Variants in LRP1B observed in about 807,000 individuals in gnomAD.
LRP1B encodes the protein LDL receptor related protein 1B.
Under a neutral mutation model 556.6 loss-of-function variants are expected in LRP1B, and 217 were observed. That is an observed-to-expected ratio of 0.39 (90% confidence interval 0.35 to 0.44). The LOEUF is 0.44. LRP1B is among the 20% of genes least tolerant of loss of function. LRP1B has a pLI of 1.00. For missense variants in LRP1B, 5,053 were observed against 5,620.8 expected (o/e 0.90, Z 3.23); for synonymous variants, 2,047 against 1,865.8 (o/e 1.10, Z -2.50).
chr2:140,481,706 G>A (rs1439135441), intron 59 of LRP1B, among the ~76,000 whole-genome samples: 1 of 151,168 alleles, frequency 6.6e-6, no homozygotes, highest in African/African-American at 2.4e-5. Context: ...CCCATATTCT[G>A]GGGACAACTC....
intron 7 of LRP1B, among the ~76,000 whole-genome samples, chr2:141,113,175 T>C (rs1700797554): frequency 6.6e-6 from 1 of 152,160 alleles, no homozygotes; most frequent in South Asian, 2.1e-4. Context: ...GGCAGAACAC[T>C]GGTCTTTTCA....
chr2:141,678,092 A>T (rs1286702874), intron 2 of LRP1B, among the ~76,000 whole-genome samples: 3 of 152,190 alleles, frequency 2.0e-5, no homozygotes, highest in Non-Finnish European at 4.4e-5. Flanking sequence ...ACTTAGGCCC[A>T]TAAAGTTTGA....
Position 141,595,893 on chromosome 2 carries a change from T to A in LRP1B, c.206-115360A>T, listed in dbSNP as rs143499329. Among the ~76,000 whole-genome samples, 611 of 152,190 alleles carry A rather than the reference T, an allele frequency of 4.0e-3. 3 individuals carry two copies. Among genetic ancestry groups the A allele is most frequent in the African/African-American group, 0.014 (587 of 41,556 alleles). On this transcript the variant is annotated intron_variant, in intron 2 of 90. Coordinates refer to ENST00000389484, the MANE Select transcript of LRP1B (RefSeq NM_018557.3). ...GTCGCTGAAAGTTAATTGGAATTTA[T>A]CTGCATCCATTTAAAAGATACATTA...
chr2:141,710,391 A>T (rs554356162), intron 2 of LRP1B, among the ~76,000 whole-genome samples: 2 of 152,118 alleles, frequency 1.3e-5, no homozygotes, highest in African/African-American at 2.4e-5. Context: ...TAACATTATC[A>T]TTATTTATCT....
chr2:141,010,440 G>A (rs1697707202), intron 14 of LRP1B, among the ~76,000 whole-genome samples: 1 of 151,848 alleles, frequency 6.6e-6, no homozygotes, highest in South Asian at 2.1e-4. Context: ...CTTTCCTAGA[G>A]GTAGCTTTCT....
chr2:141,275,334 T>C (rs1400969790), intron 3 of LRP1B, among the ~76,000 whole-genome samples: 1 of 152,160 alleles, frequency 6.6e-6, no homozygotes, highest in Non-Finnish European at 1.5e-5. Context: ...AGGCAGAGTA[T>C]GGGGGAGAAT....
At chr2:140,795,251 T>TC (rs2104995579) in intron 32 of LRP1B, among the ~76,000 whole-genome samples, 1 of 152,282 alleles carries the variant, frequency 6.6e-6, no homozygotes, top group Non-Finnish European at 1.5e-5. Flanking sequence ...AATCTTTTTT[T>TC]CCTCTCATCT....
At chr2:141,072,979 T>C (rs1400771468) in intron 7 of LRP1B, among the ~76,000 whole-genome samples, 2 of 152,050 alleles carry the variant, frequency 1.3e-5, no homozygotes, top group Non-Finnish European at 2.9e-5. Context: ...TCAGCAACTA[T>C]TTCCCTTTCT....
At chr2:141,783,728 AT>A (rs1695336508) in intron 2 of LRP1B, among the ~76,000 whole-genome samples, 1 of 151,898 alleles carries the variant, frequency 6.6e-6, no homozygotes, top group Non-Finnish European at 1.5e-5. Context: ...GATAAATTTG[AT>A]TAAATATTAT....
chr2:141,735,365 G>T (rs531247051), intron 2 of LRP1B, among the ~76,000 whole-genome samples: 1 of 151,906 alleles, frequency 6.6e-6, no homozygotes, highest in Non-Finnish European at 1.5e-5. Flanking sequence ...GGACTTGCCC[G>T]GTCTCATTAG....
In LRP1B at chr2:141,612,928, G is replaced by T. The variant is rs143580882; in HGVS notation, c.206-132395C>A. ...TGCCATTTTCCCGCCTCAGCCTCCCGAGTAGCTGGGACTACAGGTGTGTGC... is the reference window on the plus strand; with the variant it reads ...TGCCATTTTCCCGCCTCAGCCTCCCTAGTAGCTGGGACTACAGGTGTGTGC... On this transcript the variant is annotated intron_variant, in intron 2 of 90. Transcript: ENST00000389484. Among the ~76,000 whole-genome samples, 129 of 151,892 alleles carry T rather than the reference G, an allele frequency of 8.5e-4. 2 individuals are homozygous for T. The highest frequency in any genetic ancestry group is 3.0e-3 in the African/African-American group (123 of 41,424).
rs538107273 is a variant in LRP1B, at chr2:141,155,053, A to T, written c.1013+33368T>A. Among the ~76,000 whole-genome samples, 6 of 152,078 alleles carry T rather than the reference A, an allele frequency of 3.9e-5. No homozygotes were observed. The East Asian group carries it at 7.7e-4, about 20-fold the overall frequency. Reference sequence around the variant, plus strand: ...AGTAGTTTACAGAGTATTACTAAAGAGTATAAAAATTCATAGGAAAATGAA... The same window carrying T: ...AGTAGTTTACAGAGTATTACTAAAGTGTATAAAAATTCATAGGAAAATGAA... On this transcript the variant is annotated intron_variant, in intron 7 of 90. Coordinates refer to ENST00000389484, the MANE Select transcript of LRP1B (RefSeq NM_018557.3).
intron 41 of LRP1B, among the ~76,000 whole-genome samples, chr2:140,654,214 T>C (rs2105326776): frequency 6.6e-6 from 1 of 152,212 alleles, no homozygotes; most frequent in Non-Finnish European, 1.5e-5. Context: ...TTCTTTACCA[T>C]GCTTTTCTGG....
At chr2:141,230,870 C>T (rs939821617) in intron 5 of LRP1B, among the ~76,000 whole-genome samples, 1 of 152,218 alleles carries the variant, frequency 6.6e-6, no homozygotes, top group Non-Finnish European at 1.5e-5. Context: ...TATACACCTT[C>T]ATAGTTCTTT....
intron 2 of LRP1B, among the ~76,000 whole-genome samples, chr2:141,782,545 G>T (rs1574354020): frequency 2.9e-5 from 3 of 103,028 alleles, no homozygotes. Context: ...GTAGCATAAT[G>T]CTCTAAATGA....
chr2:141,905,956 C>T (rs1230665628), intron 1 of LRP1B, among the ~76,000 whole-genome samples: 1 of 142,824 alleles, frequency 7.0e-6, no homozygotes, highest in African/African-American at 2.7e-5. Flanking sequence ...GTGTGTGTCT[C>T]TGTGTATATA....
At chr2:141,732,098 A>G (rs1447322037) in intron 2 of LRP1B, among the ~76,000 whole-genome samples, 3 of 152,148 alleles carry the variant, frequency 2.0e-5, no homozygotes, top group Admixed American at 6.6e-5. Flanking sequence ...CTAAATGGTA[A>G]TGACCTTCTC....
At chr2:141,202,974 C>A (rs149231898) in intron 6 of LRP1B, among the ~76,000 whole-genome samples, 32 of 151,874 alleles carry the variant, frequency 2.1e-4, no homozygotes, top group Admixed American at 1.7e-3. Context: ...TGAGAACATG[C>A]GATACTTGGT....
chr2:141,293,004 C>G (rs1686037025), intron 3 of LRP1B, among the ~76,000 whole-genome samples: 1 of 151,976 alleles, frequency 6.6e-6, no homozygotes, highest in African/African-American at 2.4e-5. Context: ...TATGGATATT[C>G]TACGTACTAT....
Sources: gnomAD v4.1 joint callset for allele counts (sites outside exome capture counted in the v4.1 genomes callset) on GRCh38, gnomAD v4.1.1 for gene constraint, MANE v1.5 for transcripts, NCBI Gene and HGNC (gene_info 2026-07-23, HGNC 2026-07-21) for gene names.